The following CAV1 variants were observed in gnomAD, a reference collection of about 807,000 sequenced individuals.
CAV1 encodes caveolin 1.
In CAV1, 10 loss-of-function variants were observed where a neutral mutation model predicts 16.5. That is an observed-to-expected ratio of 0.61 (90% CI 0.37 to 1.03). CAV1 has a LOEUF of 1.03. Among genes scored for constraint, CAV1 ranks in the 50% least tolerant of loss-of-function variants. The pLI is 0.01. For missense variants in CAV1, 212 were observed against 232.8 expected (o/e 0.91, Z 0.58); for synonymous variants, 76 against 85.1 (o/e 0.89, Z 0.59).
chr7:116,530,628 G>T (rs1342653496), intron 2 of CAV1, among the ~76,000 whole-genome samples: 1 of 152,152 alleles, frequency 6.6e-6, no homozygotes, highest in African/African-American at 2.4e-5. Context: ...TGGGGCAAAA[G>T]CACAGGAAGG....
intron 2 of CAV1, among the ~76,000 whole-genome samples, chr7:116,555,576 GAAAGAA>G (rs1562838519): frequency 3.1e-5 from 2 of 63,938 alleles, no homozygotes; most frequent in Non-Finnish European, 5.6e-5. Flanking sequence ...AAGAAAGAAA[GAAAGAA>G]AGAAAGAAAG....
At chr7:116,525,331 C>T in intron 1 of CAV1, 1 of 1,546,848 alleles carries the variant, frequency 6.5e-7, no homozygotes, top group Non-Finnish European at 8.7e-7. Context: ...TAGGAGGACA[C>T]GGAAAAGGGG....
At chr7:116,531,526 T>C (rs562814454) in intron 2 of CAV1, among the ~76,000 whole-genome samples, 1 of 152,354 alleles carries the variant, frequency 6.6e-6, no homozygotes, top group Non-Finnish European at 1.5e-5. Flanking sequence ...AATATCAGTA[T>C]AACAGTCATT....
intron 2 of CAV1, among the ~76,000 whole-genome samples, chr7:116,558,100 C>G (rs912443388): frequency 6.6e-6 from 1 of 152,174 alleles, no homozygotes; most frequent in East Asian, 1.9e-4. Flanking sequence ...CCTCATGAAG[C>G]CTTCTTGATG....
At chr7:116,552,473 G>A (rs1313749287) in intron 2 of CAV1, among the ~76,000 whole-genome samples, 1 of 152,062 alleles carries the variant, frequency 6.6e-6, no homozygotes, top group Non-Finnish European at 1.5e-5. Flanking sequence ...TTCTGCTACA[G>A]GTAACTAAAA....
At chr7:116,543,875 A>T (rs1382004548) in intron 2 of CAV1, among the ~76,000 whole-genome samples, 3 of 152,158 alleles carry the variant, frequency 2.0e-5, no homozygotes, top group Admixed American at 6.6e-5. Context: ...GGATCAGATG[A>T]CTAAGAGCTA....
At chr7:116,543,984 C>T (rs1793989717) in intron 2 of CAV1, among the ~76,000 whole-genome samples, 2 of 152,056 alleles carry the variant, frequency 1.3e-5, no homozygotes, top group African/African-American at 4.8e-5. Context: ...CATTTAGGCC[C>T]CTGCATGATT....
At chr7:116,532,412 A>G (rs1793704717) in intron 2 of CAV1, among the ~76,000 whole-genome samples, 1 of 152,260 alleles carries the variant, frequency 6.6e-6, no homozygotes, top group Non-Finnish European at 1.5e-5. Flanking sequence ...CTAAGAGGAC[A>G]GGGCTATGTG....
chr7:116,534,374 TATA>T (rs1793752197), intron 2 of CAV1, among the ~76,000 whole-genome samples: 1 of 14,890 alleles, frequency 6.7e-5, no homozygotes, highest in Non-Finnish European at 1.6e-4. Flanking sequence ...TATATATATA[TATA>T]TATATATATA....
chr7:116,547,053 C>A (rs1446535986), intron 2 of CAV1, among the ~76,000 whole-genome samples: 1 of 152,196 alleles, frequency 6.6e-6, no homozygotes, highest in Non-Finnish European at 1.5e-5. Context: ...TCATTAATGG[C>A]CTTCTGCCTG....
At chr7:116,534,378 TATA>T (rs1793753926) in intron 2 of CAV1, among the ~76,000 whole-genome samples, 1 of 15,142 alleles carries the variant, frequency 6.6e-5, no homozygotes, top group African/African-American at 1.7e-4. Context: ...TATATATATA[TATA>T]TATATATATA....
At chr7:116,549,202 C>A (rs1794110841) in intron 2 of CAV1, among the ~76,000 whole-genome samples, 2 of 152,336 alleles carry the variant, frequency 1.3e-5, no homozygotes, top group South Asian at 4.1e-4. Flanking sequence ...GTCCCTTCCC[C>A]AGCAGGGCTG....
intron 2 of CAV1, among the ~76,000 whole-genome samples, chr7:116,531,373 A>T (rs1233367566): frequency 6.6e-6 from 1 of 152,226 alleles, no homozygotes; most frequent in Non-Finnish European, 1.5e-5. Flanking sequence ...AATGATTCTT[A>T]AATATGCACA....
intron 2 of CAV1, among the ~76,000 whole-genome samples, chr7:116,541,743 G>C (rs1279846572): frequency 4.5e-5 from 5 of 111,554 alleles, no homozygotes; most frequent in Admixed American, 3.1e-4. Context: ...AACCGAGTGA[G>C]AGCCTGCCTC....
intron 2 of CAV1, among the ~76,000 whole-genome samples, chr7:116,536,920 G>A (rs12669209): frequency 0.079 from 11,666 of 148,464 alleles, 621 homozygotes; most frequent in East Asian, 0.17. Context: ...GGAGAATGGC[G>A]TGAACCCAGG....
chr7:116,525,797 G>A (rs779181151), intron 1 of CAV1: 12 of 1,042,154 alleles, frequency 1.2e-5, no homozygotes, highest in Admixed American at 5.0e-5. Flanking sequence ...GGTCGGGGGA[G>A]CTGCGCAGGT....
At chr7:116,538,534 T>C (rs1259269198) in intron 2 of CAV1, among the ~76,000 whole-genome samples, 5 of 152,236 alleles carry the variant, frequency 3.3e-5, no homozygotes, top group African/African-American at 1.2e-4. Context: ...TCTTCCTTGC[T>C]TGTTCTTGAG....
At chr7:116,538,947 C>T (rs576147880) in intron 2 of CAV1, among the ~76,000 whole-genome samples, 8 of 152,204 alleles carry the variant, frequency 5.3e-5, no homozygotes, top group African/African-American at 7.2e-5. Context: ...ATGGGGGAAC[C>T]GCCACCATGA....
At chr7:116,541,753 CAAAAAA>C (rs5886829) in intron 2 of CAV1, among the ~76,000 whole-genome samples, 4 of 109,022 alleles carry the variant, frequency 3.7e-5, no homozygotes, top group Non-Finnish European at 5.9e-5. Context: ...GAGCCTGCCT[CAAAAAA>C]AAAAAAAAAA....
Sources: allele counts gnomAD v4.1 joint callset (sites outside exome capture counted in the v4.1 genomes callset), GRCh38; gene constraint gnomAD v4.1.1; transcripts MANE v1.5; gene names NCBI Gene and HGNC (gene_info 2026-07-23, HGNC 2026-07-21).